PCDHGA3: variants seen among roughly 807,000 people sequenced by gnomAD.
The protein encoded by PCDHGA3 is protocadherin gamma-A3.
PCDHGA3 carries 40 observed loss-of-function variants against 58.5 expected under a neutral mutation model. That is an observed-to-expected ratio of 0.68 (90% CI 0.53 to 0.89). PCDHGA3 has a LOEUF of 0.89. Among genes scored for constraint, PCDHGA3 ranks in the 40% least tolerant of loss-of-function variants. The pLI, the probability that PCDHGA3 is intolerant of heterozygous loss-of-function variation, is 0.00. For missense variants in PCDHGA3, 1,223 were observed against 1,195.9 expected, an observed-to-expected ratio of 1.02 and a Z score of -0.33; for synonymous variants, 530 against 525.7, an observed-to-expected ratio of 1.01 and a Z score of -0.11.
At chr5:141,455,755 T>C (rs1283272521) in intron 1 of PCDHGA3, among the ~76,000 whole-genome samples, 1 of 152,150 alleles carries the variant, frequency 6.6e-6, no homozygotes, top group Non-Finnish European at 1.5e-5. Flanking sequence ...CTGGCCTGGC[T>C]CCTAGAGCCG....
At chr5:141,425,258 G>T (rs965944291) in intron 1 of PCDHGA3, among the ~76,000 whole-genome samples, 2 of 152,134 alleles carry the variant, frequency 1.3e-5, no homozygotes, top group Non-Finnish European at 2.9e-5. Context: ...GAGGTATTTG[G>T]CTGGGAAAAG....
In PCDHGA3 at chr5:141,511,405, T is replaced by C. The variant is rs1274658643; in HGVS notation, c.*232T>C. The C allele has an allele frequency of 2.2e-5, 21 of 944,066 alleles. No homozygotes were observed. In the East Asian group the frequency reaches 5.8e-4, roughly 26 times the overall value. 58.5% of individuals were successfully genotyped at this position (944,066 alleles called of 1,614,324 possible). On this transcript the variant is annotated 3_prime_UTR_variant, in exon 4 of 4. Transcript: ENST00000253812. ...CGCTGGGAACCCCCATCCAATCAACTGCTGTACCCATGGGGGTAGTGGGGT... is the reference window on the plus strand; with the variant it reads ...CGCTGGGAACCCCCATCCAATCAACCGCTGTACCCATGGGGGTAGTGGGGT...
At chr5:141,421,955 T>A in intron 1 of PCDHGA3, 1 of 1,612,914 alleles carries the variant, frequency 6.2e-7, no homozygotes, top group South Asian at 1.1e-5. Context: ...ATCCCAATGT[T>A]TACACAGTCC....
At chr5:141,379,256 A>C (rs896314996) in intron 1 of PCDHGA3, 1 of 152,234 alleles carries the variant, frequency 6.6e-6, no homozygotes, top group Non-Finnish European at 1.5e-5. Flanking sequence ...ATTTACATTT[A>C]AGGAATTGTT....
rs141397385 is a variant in PCDHGA3 at position 141,476,135 on chromosome 5, A to C, written c.2425-18672A>C. 8.4e-4 allele frequency: 1,352 copies of C among 1,608,526 alleles called. 1 individual carries two copies. Among genetic ancestry groups the C allele is most frequent in the Non-Finnish European group, 1.1e-3 (1,319 of 1,178,332 alleles). On this transcript the variant is annotated intron_variant, in intron 1 of 3. Transcript: ENST00000253812. This position sits in a 1 kb window ranked among gnomAD's most constrained non-coding sequence, Gnocchi z 7.6. ...GAGTGAGATGGTCCCAGAGGCCTGG[A>C]GGAGCGGACTGGTAAGCACCGGGAG...
chr5:141,355,515 C>G (rs759193676), intron 1 of PCDHGA3: 1 of 1,614,008 alleles, frequency 6.2e-7, no homozygotes. Flanking sequence ...GTGTGACAAA[C>G]CTGGAGATTC....
At chr5:141,474,156 A>C (rs1387216017) in intron 1 of PCDHGA3, among the ~76,000 whole-genome samples, 1 of 152,244 alleles carries the variant, frequency 6.6e-6, no homozygotes, top group East Asian at 1.9e-4. Flanking sequence ...CAAGAAAATG[A>C]CAGGCCTTAT....
chr5:141,422,777 C>CCCTACAAT, intron 1 of PCDHGA3: 2 of 1,613,982 alleles, frequency 1.2e-6, no homozygotes, highest in Non-Finnish European at 1.7e-6. Context: ...GTTCTCTATG[C>CCCTACAAT]CCTACAATCC....
intron 1 of PCDHGA3, chr5:141,372,263 G>C (rs373583904): frequency 3.1e-6 from 5 of 1,613,110 alleles, no homozygotes; most frequent in South Asian, 1.1e-5. Flanking sequence ...GCCTGCGCAC[G>C]GGTGAGGTGC....
Position 141,432,691 on chromosome 5 carries a change from G to A in PCDHGA3, c.2425-62116G>A, listed in dbSNP as rs1308174141. Reference sequence around the variant, plus strand: ...ACGCGCTCAAGCAGAGCCTCGTAGTGGCCGTCCAGGACCACGGCCAGCCCC... The same window carrying A: ...ACGCGCTCAAGCAGAGCCTCGTAGTAGCCGTCCAGGACCACGGCCAGCCCC... On this transcript the variant is annotated intron_variant, in intron 1 of 3. Transcript: ENST00000253812. The surrounding 1 kb of genome is among the most constrained non-coding windows in gnomAD (Gnocchi z 6.0). 1 of 1,613,942 alleles carries A rather than the reference G, an allele frequency of 6.2e-7. No individual in the cohort carries two copies. Among genetic ancestry groups the A allele is most frequent in the South Asian group, 1.1e-5 (1 of 91,068 alleles).
At chr5:141,496,994 T>A (rs2099773177) in intron 2 of PCDHGA3, among the ~76,000 whole-genome samples, 1 of 151,862 alleles carries the variant, frequency 6.6e-6, no homozygotes, top group Non-Finnish European at 1.5e-5. Flanking sequence ...GAGACCAGCC[T>A]GGCAGCCAAC....
intron 1 of PCDHGA3, among the ~76,000 whole-genome samples, chr5:141,482,354 G>C (rs1461472845): frequency 6.6e-6 from 1 of 152,096 alleles, no homozygotes; most frequent in Non-Finnish European, 1.5e-5. Context: ...CTTGTTGTGA[G>C]AGTGAAAAGT....
At chr5:141,507,558 G>A (rs573728108) in intron 3 of PCDHGA3, among the ~76,000 whole-genome samples, 57 of 152,346 alleles carry the variant, frequency 3.7e-4, no homozygotes, top group African/African-American at 1.3e-3. Context: ...AGTGGCAGGC[G>A]GCTGGGTCTG....
Position 141,431,996 on chromosome 5 carries a change from G to A in PCDHGA3, c.2425-62811G>A, listed in dbSNP as rs766891220. ...AGTCACAGACATAGTCTTGGATAGGGAACAGGTTCCTAGCTACAACATCAC... is the reference window on the plus strand; with the variant it reads ...AGTCACAGACATAGTCTTGGATAGGAAACAGGTTCCTAGCTACAACATCAC... On this transcript the variant is annotated intron_variant, in intron 1 of 3. Transcript: ENST00000253812. The surrounding 1 kb of genome is among the most constrained non-coding windows in gnomAD (Gnocchi z 4.8). 1.9e-6 allele frequency: 3 copies of A among 1,614,192 alleles called. No homozygotes were observed. In the East Asian group the frequency reaches 6.7e-5, roughly 36 times the overall value.
intron 1 of PCDHGA3, chr5:141,393,977 T>C (rs1014126865): frequency 1.9e-6 from 3 of 1,613,870 alleles, no homozygotes; most frequent in Non-Finnish European, 2.5e-6. Flanking sequence ...ACACACGTGA[T>C]AATTTACCTT....
chr5:141,431,435 GC>G lies in PCDHGA3; in HGVS notation c.2425-63371del. On this transcript the variant is annotated intron_variant, in intron 1 of 3. Coordinates refer to ENST00000253812, the MANE Select transcript of PCDHGA3 (RefSeq NM_018916.4). The surrounding 1 kb of genome is among the most constrained non-coding windows in gnomAD (Gnocchi z 4.8). The stretch of plus-strand genomic sequence containing the variant: ...GGGCGACCCGGTGCGCACAGGCACC[GC>G]GCGCATCCGCGTGATGGTTCTGGAT... 1.9e-6 allele frequency: 3 copies of G among 1,613,668 alleles called. No individual in the cohort carries two copies. The highest frequency in any genetic ancestry group is 2.5e-6 in the Non-Finnish European group (3 of 1,180,026).
Position 141,398,862 on chromosome 5 carries a change from C to G in PCDHGA3, c.2424+52405C>G, listed in dbSNP as rs771326288. On this transcript the variant is annotated intron_variant, in intron 1 of 3. Transcript: ENST00000253812. ...ATAATCCCCCGGTATTCAACCGAGA[C>G]GTGTACAGAGTCAGCCTTCGGGAAA... 4 of 1,613,848 alleles carry G rather than the reference C, an allele frequency of 2.5e-6. No individual in the cohort carries two copies. The African/African-American group carries it at 5.3e-5, about 22-fold the overall frequency.
chr5:141,394,508 C>A (rs776107587), intron 1 of PCDHGA3: 3 of 1,614,104 alleles, frequency 1.9e-6, no homozygotes, highest in Non-Finnish European at 2.5e-6. Context: ...TCCTGTACCC[C>A]GCCCTCCCCA....
At chr5:141,362,712 C>G (rs1588580103) in intron 1 of PCDHGA3, 1 of 928,800 alleles carries the variant, frequency 1.1e-6, no homozygotes, top group African/African-American at 1.7e-5. Context: ...TAAGTGTTTT[C>G]TCTCTGAAGT....
Sources: gnomAD v4.1 joint callset for allele counts (sites outside exome capture counted in the v4.1 genomes callset) on GRCh38, gnomAD v4.1.1 for gene constraint, Gnocchi (gnomAD v3.1) non-coding constraint, MANE v1.5 for transcripts, NCBI Gene and HGNC (gene_info 2026-07-23, HGNC 2026-07-21) for gene names.